PAK3: variants seen among roughly 807,000 people sequenced by gnomAD.
The protein encoded by PAK3 is serine/threonine-protein kinase PAK 3.
PAK3 carries 4 observed loss-of-function variants against 41.0 expected under a neutral mutation model. The observed-to-expected ratio is 0.10, with a 90% CI of 0.05 to 0.22. The LOEUF (loss-of-function observed/expected upper bound fraction) is 0.22. Among genes scored for constraint, PAK3 ranks in the 10% least tolerant of loss-of-function variants. The pLI, the probability that PAK3 is intolerant of heterozygous loss-of-function variation, is 1.00. For missense variants in PAK3, 205 were observed against 409.9 expected, an observed-to-expected ratio of 0.50 and a Z score of 4.32; for synonymous variants, 146 against 139.6, an observed-to-expected ratio of 1.05 and a Z score of -0.32.
At chrX:111,219,233 A>AAT (rs2094908190) in intron 17 of PAK3, among the ~76,000 whole-genome samples, 1 of 104,089 alleles carries the variant, frequency 9.6e-6, no homozygotes, top group Non-Finnish European at 1.9e-5. Flanking sequence ...TAATAATAAT[A>AAT]ATAAGCAAGA....
chrX:110,992,687 C>T (rs1206785062), intron 1 of PAK3, among the ~76,000 whole-genome samples: 1 of 110,659 alleles, frequency 9.0e-6, no homozygotes, highest in Non-Finnish European at 1.9e-5. Context: ...CTGTTCATTC[C>T]GCCTCGACTA....
intron 1 of PAK3, among the ~76,000 whole-genome samples, chrX:111,085,149 T>C (rs1401388334): frequency 8.9e-6 from 1 of 112,289 alleles, no homozygotes; most frequent in Non-Finnish European, 1.9e-5. Flanking sequence ...GATAATTTGA[T>C]TGTTTAAACA....
chrX:111,098,849 C>G (rs1033484179), intron 3 of PAK3: 1 of 112,015 alleles, frequency 8.9e-6, no homozygotes, highest in African/African-American at 3.2e-5. Context: ...AAAACCTTTA[C>G]TTCGGAAGGT....
chrX:110,988,073 T>C (rs752176429), intron 1 of PAK3, among the ~76,000 whole-genome samples: 1 of 113,154 alleles, frequency 8.8e-6, no homozygotes, highest in South Asian at 3.6e-4. Context: ...TATTTGCATC[T>C]GTGTGCTGAG....
chrX:111,140,645 T>C (rs1177062841), intron 5 of PAK3, among the ~76,000 whole-genome samples: 1 of 111,608 alleles, frequency 9.0e-6, no homozygotes, highest in Non-Finnish European at 1.9e-5. Context: ...TTATATGGCA[T>C]ATATGTATTT....
intron 8 of PAK3, among the ~76,000 whole-genome samples, chrX:111,161,589 T>TCA (rs2094189896): frequency 1.8e-5 from 2 of 111,557 alleles, no homozygotes; most frequent in African/African-American, 3.3e-5. Flanking sequence ...CCAGGGTTTT[T>TCA]ATGGTTTTAG....
intron 4 of PAK3, among the ~76,000 whole-genome samples, chrX:111,106,690 G>A (rs899517969): frequency 1.1e-4 from 12 of 111,407 alleles, no homozygotes; most frequent in African/African-American, 3.6e-4. Context: ...ACACACACAC[G>A]GATACATCTA....
chrX:111,042,462 G>A (rs996654191), intron 1 of PAK3, among the ~76,000 whole-genome samples: 3 of 111,784 alleles, frequency 2.7e-5, no homozygotes, highest in African/African-American at 9.8e-5. Context: ...TGAGAGTAGA[G>A]CATTAAACCA....
At chrX:111,090,172 C>T (rs1462586949) in intron 1 of PAK3, among the ~76,000 whole-genome samples, 1 of 111,180 alleles carries the variant, frequency 9.0e-6, no homozygotes, top group East Asian at 2.9e-4. Flanking sequence ...CTGGGTTTGG[C>T]CATGCCCTAC....
chrX:111,029,585 A>G (rs926449740), intron 1 of PAK3, among the ~76,000 whole-genome samples: 41 of 112,167 alleles, frequency 3.7e-4, no homozygotes, highest in African/African-American at 1.3e-3. Flanking sequence ...ACCATACTGC[A>G]TTTATCAATA....
At chrX:111,078,641 C>T (rs944673298) in intron 1 of PAK3, among the ~76,000 whole-genome samples, 3 of 110,500 alleles carry the variant, frequency 2.7e-5, no homozygotes, top group Non-Finnish European at 5.7e-5. Context: ...AATTAATAAC[C>T]CCAAAACAGT....
Position 110,964,908 on chromosome X carries a change from G to A in PAK3, c.-28+20280G>A, listed in dbSNP as rs771913340. Among the ~76,000 whole-genome samples, 38 of 111,374 alleles carry A rather than the reference G, an allele frequency of 3.4e-4. No homozygotes were observed. The South Asian group carries it at 5.5e-3, about 16-fold the overall frequency. ...CTGGCTGGCTGGCTGGCTGGTTGGC[G>A]TGGCAGGCTCCATTCTTATGCTAAC... On this transcript the variant is annotated intron_variant, in intron 1 of 14. Transcript: ENST00000425146.
chrX:111,219,961 G>A, intron 17 of PAK3, among the ~76,000 whole-genome samples: 1 of 111,981 alleles, frequency 8.9e-6, no homozygotes, highest in Non-Finnish European at 1.9e-5. Flanking sequence ...AAGAGAAATG[G>A]TAGAGGCACA....
intron 7 of PAK3, 93 bp downstream of exon 7, chrX:111,147,983 C>A: frequency 4.0e-6 from 3 of 744,714 alleles, no homozygotes; most frequent in South Asian, 2.4e-5. Context: ...CATTTGAAAT[C>A]GATTCTAGTA....
chrX:111,051,183 A>T (rs769638071), intron 1 of PAK3, among the ~76,000 whole-genome samples: 1 of 111,645 alleles, frequency 9.0e-6, no homozygotes, highest in Non-Finnish European at 1.9e-5. Flanking sequence ...CTGTTGGGGG[A>T]AAAAAGTAAG....
chrX:111,009,886 A>G (rs1237448555), intron 1 of PAK3, among the ~76,000 whole-genome samples: 1 of 112,325 alleles, frequency 8.9e-6, no homozygotes, highest in Non-Finnish European at 1.9e-5. Flanking sequence ...AAACTAAGGC[A>G]CAGAGCCAAT....
chrX:111,186,033 A>G (rs750138889), intron 11 of PAK3, among the ~76,000 whole-genome samples: 3 of 111,696 alleles, frequency 2.7e-5, no homozygotes, highest in South Asian at 7.5e-4. Context: ...AACAGAACCA[A>G]TGAGAAAAAC....
At chrX:111,213,178 C>G (rs1431887715) in intron 16 of PAK3, among the ~76,000 whole-genome samples, 1 of 111,894 alleles carries the variant, frequency 8.9e-6, no homozygotes, top group East Asian at 2.8e-4. Flanking sequence ...GTCAGAACCT[C>G]CTACTATCAG....
intron 16 of PAK3, among the ~76,000 whole-genome samples, chrX:111,204,929 G>C (rs926024867): frequency 2.3e-5 from 1 of 44,036 alleles, no homozygotes; most frequent in Admixed American, 3.0e-4. Flanking sequence ...AGATGGCAAA[G>C]TTCATCAGCA....
Sources: gnomAD v4.1 joint callset for allele counts (sites outside exome capture counted in the v4.1 genomes callset) on GRCh38, gnomAD v4.1.1 for gene constraint, MANE v1.5 for transcripts, NCBI Gene and HGNC (gene_info 2026-07-23, HGNC 2026-07-21) for gene names.